The following MSH3 variants were observed in gnomAD, a reference collection of about 807,000 sequenced individuals.
MSH3 encodes DNA mismatch repair protein Msh3.
Under a neutral mutation model 123.3 loss-of-function variants are expected in MSH3, and 106 were observed. The ratio of observed to expected loss-of-function variants is 0.86; its 90% CI spans 0.73 to 1.01. MSH3 has a LOEUF of 1.01. Ranked by LOEUF, MSH3 falls within the 50% of genes least tolerant of loss-of-function variation. The pLI, the probability that MSH3 is intolerant of heterozygous loss-of-function variation, is 0.00. For missense variants in MSH3, 1,459 were observed against 1,347.6 expected (o/e 1.08, Z -1.29); for synonymous variants, 515 against 481.4 (o/e 1.07, Z -0.91).
At chr5:80,793,861 A>G (rs1744650234) in intron 19 of MSH3, among the ~76,000 whole-genome samples, 1 of 152,206 alleles carries the variant, frequency 6.6e-6, no homozygotes. Context: ...TCCATTGTCA[A>G]AGCTAAATGG....
At chr5:80,735,978 A>G (rs1301208108) in intron 10 of MSH3, among the ~76,000 whole-genome samples, 3 of 152,120 alleles carry the variant, frequency 2.0e-5, no homozygotes, top group Non-Finnish European at 2.9e-5. Flanking sequence ...TAATCCCAAC[A>G]CTTGTGGGAG....
At chr5:80,734,013 G>A (rs1580592684) in intron 10 of MSH3, among the ~76,000 whole-genome samples, 1 of 152,276 alleles carries the variant, frequency 6.6e-6, no homozygotes, top group South Asian at 2.1e-4. Flanking sequence ...GTTCATAAGA[G>A]CATTAGTCAC....
chr5:80,708,146 G>A (rs183891761), intron 8 of MSH3, among the ~76,000 whole-genome samples: 81 of 152,328 alleles, frequency 5.3e-4, no homozygotes, highest in Admixed American at 9.1e-4. Flanking sequence ...TTAATTTGGT[G>A]AAGTCAGATG....
Position 80,857,756 on chromosome 5 carries a change from T to C in MSH3, c.3000+3440T>C, listed in dbSNP as rs559392179. 5.9e-5 allele frequency among the ~76,000 whole-genome samples: 9 copies of C among 152,340 alleles called. No individual in the cohort carries two copies. In the South Asian group the frequency reaches 1.9e-3, roughly 32 times the overall value. ...AGTGTTGTCCTTTTCATTTCTGATA[T>C]TAGCCATTTGTGTCTTTTCTCTTTT... On this transcript the variant is annotated intron_variant, in intron 21 of 23. Coordinates refer to ENST00000265081, the MANE Select transcript of MSH3 (RefSeq NM_002439.5).
At chr5:80,757,085 T>A (rs1028085064) in intron 12 of MSH3, among the ~76,000 whole-genome samples, 18 of 152,124 alleles carry the variant, frequency 1.2e-4, no homozygotes, top group East Asian at 1.9e-4. Flanking sequence ...CAACTTTTTT[T>A]AAACATTTTA....
intron 4 of MSH3, among the ~76,000 whole-genome samples, chr5:80,670,924 A>C (rs1580550867): frequency 6.6e-6 from 1 of 152,124 alleles, no homozygotes; most frequent in Non-Finnish European, 1.5e-5. Flanking sequence ...GTTTGAGACC[A>C]GCCTGGCCAA....
chr5:80,851,639 GACA>G (rs1305358613), intron 20 of MSH3, among the ~76,000 whole-genome samples: 2 of 151,994 alleles, frequency 1.3e-5, no homozygotes, highest in African/African-American at 4.8e-5. Flanking sequence ...ATGTTTTGAT[GACA>G]TATATGTAAA....
At chr5:80,865,086 C>A in intron 22 of MSH3, 144 bp downstream of exon 22, 1 of 898,962 alleles carries the variant, frequency 1.1e-6, no homozygotes, top group Non-Finnish European at 1.8e-6. Context: ...TTCATTTTTG[C>A]TAAGCTTTAG....
chr5:80,772,841 T>C (rs1303359999), intron 15 of MSH3, among the ~76,000 whole-genome samples: 2 of 152,136 alleles, frequency 1.3e-5, no homozygotes, highest in Admixed American at 6.5e-5. Flanking sequence ...GCTGAAACTC[T>C]GAGGATTGCT....
chr5:80,798,222 G>A (rs980201873), intron 19 of MSH3, among the ~76,000 whole-genome samples: 33 of 152,224 alleles, frequency 2.2e-4, no homozygotes, highest in Middle Eastern at 3.4e-3. Flanking sequence ...CTGGGGCAGG[G>A]TAGACATTGA....
chr5:80,684,771 A>G lies in MSH3; in HGVS notation c.1340+5678A>G, dbSNP rs147054402. Among the ~76,000 whole-genome samples the G allele has an allele frequency of 3.4e-3, 519 of 152,258 alleles. 2 individuals carry two copies. The highest frequency in any genetic ancestry group is 0.024 in the Middle Eastern group (7 of 294). On this transcript the variant is annotated intron_variant, in intron 8 of 23. Coordinates refer to ENST00000265081, the MANE Select transcript of MSH3 (RefSeq NM_002439.5). Reference sequence around the variant, plus strand: ...GAGGAAAGGCTTGCAATATTTCTCAATTCAGTATGATAATAGCTGTGGGTC... The same window carrying G: ...GAGGAAAGGCTTGCAATATTTCTCAGTTCAGTATGATAATAGCTGTGGGTC...
Position 80,672,360 on chromosome 5 carries a change from G to C in MSH3, c.909G>C (p.Lys303Asn), listed in dbSNP as rs757164724. 2.1e-5 allele frequency: 33 copies of C among 1,604,516 alleles called. No individual in the cohort carries two copies. The highest frequency in any genetic ancestry group is 2.6e-5 in the Non-Finnish European group (31 of 1,171,264). ...HVRRLVAKGY[K>N]VGVVKQTETA... ...GCCGCCTGGTGGCAAAAGGATATAA[G>C]GTCAGCTTTGGCTTTAACTTGTGGG... The change falls in exon 5 of 24, where the codon AAG becomes AAC. Residue 303 changes from lysine (K) to asparagine (N), a missense_variant and splice_region_variant. Transcript: ENST00000265081.
intron 19 of MSH3, among the ~76,000 whole-genome samples, chr5:80,806,901 A>G (rs558034878): frequency 1.3e-5 from 2 of 152,278 alleles, no homozygotes; most frequent in African/African-American, 4.8e-5. Context: ...GACATTATCA[A>G]TACGTTCTTG....
At chr5:80,854,047 A>G in intron 20 of MSH3, 83 bp from the exon 21 acceptor site, 2 of 1,102,680 alleles carry the variant, frequency 1.8e-6, no homozygotes, top group East Asian at 2.6e-5. Flanking sequence ...GTGATCTTTT[A>G]TATTTATTGT....
chr5:80,676,330 C>A (rs1390874334), intron 7 of MSH3, among the ~76,000 whole-genome samples: 3 of 152,182 alleles, frequency 2.0e-5, no homozygotes, highest in Non-Finnish European at 4.4e-5. Context: ...CACGCCTGGC[C>A]AACTCATAGT....
chr5:80,696,246 A>G (rs894419384), intron 8 of MSH3, among the ~76,000 whole-genome samples: 3 of 152,184 alleles, frequency 2.0e-5, no homozygotes, highest in African/African-American at 4.8e-5. Context: ...AGTATTGGCC[A>G]GCAAGGATGA....
chr5:80,848,213 G>C (rs1745759547), intron 20 of MSH3, among the ~76,000 whole-genome samples: 1 of 152,248 alleles, frequency 6.6e-6, no homozygotes, highest in South Asian at 2.1e-4. Context: ...CTGGGCGACA[G>C]AGTTAGAACC....
Position 80,787,609 on chromosome 5 carries a change from A to G in MSH3, c.2480A>G (p.His827Arg), listed in dbSNP as rs138339194. 3.0e-4 allele frequency: 483 copies of G among 1,613,912 alleles called. 3 individuals are homozygous for G. In the African/African-American group the frequency reaches 5.9e-3, roughly 20 times the overall value. The change falls in exon 18 of 24, where the codon CAC becomes CGC. Residue 827 changes from histidine to arginine, a missense_variant. His to Arg is a conservative substitution (Grantham distance 29, BLOSUM62 0). Transcript: ENST00000265081. ...HYHSLCKAVH[H>R]LATVDCIFSL... The stretch of plus-strand genomic sequence containing the variant: ...CACTCCTTGTGTAAAGCAGTGCATC[A>G]CCTAGCAACTGTTGACTGCATTTTC...
intron 8 of MSH3, among the ~76,000 whole-genome samples, chr5:80,691,026 T>A (rs1176847131): frequency 6.6e-6 from 1 of 151,956 alleles, no homozygotes; most frequent in African/African-American, 2.4e-5. Flanking sequence ...ATATGATTAA[T>A]AAATGTTATT....
Sources: allele counts gnomAD v4.1 joint callset (sites outside exome capture counted in the v4.1 genomes callset), GRCh38; gene constraint gnomAD v4.1.1; transcripts MANE v1.5; gene names NCBI Gene and HGNC (gene_info 2026-07-23, HGNC 2026-07-21).